The following SLCO1B3 variants were observed in gnomAD, a reference collection of about 807,000 sequenced individuals.
SLCO1B3 encodes the protein liver-specific organic anion transporter 2.
In SLCO1B3, 72 loss-of-function variants were observed where a neutral mutation model predicts 71.8. The observed-to-expected ratio is 1.00, with a 90% CI of 0.83 to 1.22. The LOEUF is 1.22. Among genes scored for constraint, SLCO1B3 ranks in the 50% most tolerant of loss-of-function variants. The pLI is 0.00. For missense variants in SLCO1B3, 911 were observed against 819.7 expected, an observed-to-expected ratio of 1.11 and a Z score of -1.36; for synonymous variants, 298 against 278.4, an observed-to-expected ratio of 1.07 and a Z score of -0.70.
chr12:20,841,017 C>G (rs1864787923), intron 3 of SLCO1B3, among the ~76,000 whole-genome samples: 1 of 152,108 alleles, frequency 6.6e-6, no homozygotes, highest in Non-Finnish European at 1.5e-5. Context: ...GAATTGGTCC[C>G]CCTGGAGTTA....
At chr12:20,909,963 A>G (rs1866342273) in intron 15 of SLCO1B3, among the ~76,000 whole-genome samples, 1 of 152,176 alleles carries the variant, frequency 6.6e-6, no homozygotes. Context: ...TTTTATTCAG[A>G]GGTTTTAAAT....
Position 20,877,874 on chromosome 12 carries a change from A to T in SLCO1B3, c.1073A>T (p.Tyr358Phe). 1 of 1,590,862 alleles carries T rather than the reference A, an allele frequency of 6.3e-7. No individual in the cohort carries two copies. Among genetic ancestry groups the T allele is most frequent in the Middle Eastern group, 1.7e-4 (1 of 6,012 alleles). Residue 358 changes from tyrosine to phenylalanine, a missense_variant, in exon 10 of 16, where the codon TAC becomes TTC. Transcript: ENST00000381545. Reference sequence around the variant, plus strand: ...AGCAGCTTTATTGGTTCTTTTACTTACGTCTTTAAATATATGGAGCAACAG... The same window carrying T: ...AGCAGCTTTATTGGTTCTTTTACTTTCGTCTTTAAATATATGGAGCAACAG... The part of the protein sequence containing the change: ...QVSSFIGSFT[Y>F]VFKYMEQQYG...
intron 8 of SLCO1B3, among the ~76,000 whole-genome samples, chr12:20,873,704 C>T (rs1865522382): frequency 6.6e-6 from 1 of 152,108 alleles, no homozygotes; most frequent in Non-Finnish European, 1.5e-5. Context: ...ACCTATCAAC[C>T]CATCACCTAG....
At chr12:20,831,112 A>G (rs892185195) in intron 3 of SLCO1B3, among the ~76,000 whole-genome samples, 2 of 152,120 alleles carry the variant, frequency 1.3e-5, no homozygotes, top group African/African-American at 4.8e-5. Flanking sequence ...TAATCCCAGC[A>G]CTTTGGGAGG....
intron 3 of SLCO1B3, among the ~76,000 whole-genome samples, chr12:20,832,152 A>T (rs1255462154): frequency 6.6e-6 from 1 of 152,136 alleles, no homozygotes; most frequent in Non-Finnish European, 1.5e-5. Flanking sequence ...CTATTTAATG[A>T]TATACCTTAT....
At chr12:20,902,654 A>T (rs572660921) in intron 15 of SLCO1B3, among the ~76,000 whole-genome samples, 115 of 152,334 alleles carry the variant, frequency 7.5e-4, no homozygotes, top group Non-Finnish European at 1.4e-3. Context: ...AAAATATTTT[A>T]AAAACTGCAT....
chr12:20,811,099 G>C (rs976358819), intron 1 of SLCO1B3, among the ~76,000 whole-genome samples: 10 of 152,104 alleles, frequency 6.6e-5, no homozygotes, highest in Admixed American at 5.9e-4. Flanking sequence ...TATACTATAA[G>C]ATAATTATTT....
At chr12:20,874,081 C>G (rs956667236) in intron 8 of SLCO1B3, among the ~76,000 whole-genome samples, 6 of 152,242 alleles carry the variant, frequency 3.9e-5, no homozygotes, top group African/African-American at 1.4e-4. Context: ...GTGCATGTAT[C>G]TTTATAATAT....
At chr12:20,859,829 G>T (rs1275641001) in intron 5 of SLCO1B3, among the ~76,000 whole-genome samples, 2 of 151,714 alleles carry the variant, frequency 1.3e-5, no homozygotes, top group African/African-American at 2.4e-5. Context: ...CTACAGACTT[G>T]AATACTTTTC....
In SLCO1B3 at chr12:20,904,755, C is replaced by CT. The variant is rs775996155; in HGVS notation, c.1865+3321dup. 3.0e-3 allele frequency among the ~76,000 whole-genome samples: 167 copies of CT among 56,116 alleles called. 29 individuals carry two copies. The highest frequency in any genetic ancestry group is 0.013 in the African/African-American group (144 of 11,270). 36.8% of individuals were successfully genotyped at this position (56,116 alleles called of 152,430 possible). ...GCAGACTTCTGCCTGGACATCCAGG[C>CT]TTTTTTTTTTTTTTTTTTTTTTTTT... is the stretch of plus-strand genomic sequence containing the variant. On this transcript the variant is annotated intron_variant, in intron 15 of 15. Coordinates refer to ENST00000381545, the MANE Select transcript of SLCO1B3 (RefSeq NM_019844.4).
intron 3 of SLCO1B3, among the ~76,000 whole-genome samples, chr12:20,826,427 A>G (rs1864423043): frequency 6.8e-6 from 1 of 148,038 alleles, no homozygotes; most frequent in Non-Finnish European, 1.5e-5. Flanking sequence ...TTAAGAGTGA[A>G]TCAATACCTT....
chr12:20,907,452 C>T (rs1476697740), intron 15 of SLCO1B3, among the ~76,000 whole-genome samples: 2 of 113,490 alleles, frequency 1.8e-5, no homozygotes, highest in African/African-American at 6.2e-5. Context: ...CCTTCCCCTT[C>T]CTTCCCCTCC....
chr12:20,868,617 A>G (rs10770755), intron 8 of SLCO1B3, among the ~76,000 whole-genome samples: 109,842 of 151,736 alleles, frequency 0.72, 42,345 homozygotes, highest in South Asian at 0.9. Flanking sequence ...TGGGTCTCTT[A>G]CTGTGTGCGG....
Position 20,901,483 on chromosome 12 carries a change from C to A in SLCO1B3, c.1865+16C>A. ...TATTTTTTGGGTAAGTTGTCGTAAACACATTTCATTAATAGATTTTTTCTT... is the reference window on the plus strand; with the variant it reads ...TATTTTTTGGGTAAGTTGTCGTAAAAACATTTCATTAATAGATTTTTTCTT... On this transcript the variant is annotated intron_variant, in intron 15 of 15. Coordinates refer to ENST00000381545, the MANE Select transcript of SLCO1B3 (RefSeq NM_019844.4). 7.7e-7 allele frequency: 1 copy of A among 1,301,710 alleles called. No homozygotes were observed. The highest frequency in any genetic ancestry group is 1.1e-6 in the Non-Finnish European group (1 of 936,106). The allele number at this position is 1,301,710 out of a possible 1,614,324, so 80.6% of individuals were successfully genotyped here. A position where few individuals can be genotyped will look rare whatever the true frequency, so the allele number is the denominator to read the frequency against.
Position 20,858,568 on chromosome 12 carries a change from G to T in SLCO1B3, c.356G>T (p.Gly119Val). The T allele has an allele frequency of 1.2e-6, 2 of 1,606,096 alleles. No homozygotes were observed. Among genetic ancestry groups the T allele is most frequent in the Non-Finnish European group, 1.7e-6 (2 of 1,173,440 alleles). Residue 119 changes from glycine to valine, a missense_variant, in exon 5 of 16, where the codon GGA becomes GTA. Gly to Val is a moderately radical substitution (Grantham distance 109). Transcript: ENST00000381545. ...ILTSLPHFFM[G>V]YYRYSKETHI... ...ACATCTTTACCACATTTCTTCATGGGATAGTAAGTGTTAAACAGCTCTGAG... is the reference window on the plus strand; with the variant it reads ...ACATCTTTACCACATTTCTTCATGGTATAGTAAGTGTTAAACAGCTCTGAG...
At chr12:20,838,094 T>C (rs1864721065) in intron 3 of SLCO1B3, among the ~76,000 whole-genome samples, 1 of 151,950 alleles carries the variant, frequency 6.6e-6, no homozygotes, top group Non-Finnish European at 1.5e-5. Flanking sequence ...CCCACCTTTT[T>C]TTTTAAATCA....
At chr12:20,827,406 C>T (rs1229424732) in intron 3 of SLCO1B3, among the ~76,000 whole-genome samples, 1 of 152,052 alleles carries the variant, frequency 6.6e-6, no homozygotes, top group Non-Finnish European at 1.5e-5. Flanking sequence ...GATTTAAATG[C>T]TTTTGTAAAT....
rs754088334 is a variant in SLCO1B3 at position 20,901,422 on chromosome 12, G to C, written c.1820G>C (p.Cys607Ser). Residue 607 changes from cysteine to serine, a missense_variant, in exon 15 of 16, where the codon TGT (cysteine) becomes TCT (serine). Physicochemically the swap from Cys to Ser is moderately radical, Grantham distance 112. Coordinates refer to ENST00000381545, the MANE Select transcript of SLCO1B3 (RefSeq NM_019844.4). Reference sequence around the variant, plus strand: ...TGTATGAAGTGGTCCACCAACAGCTGTGGAGCACAAGGGGCTTGTAGGATA... The same window carrying C: ...TGTATGAAGTGGTCCACCAACAGCTCTGGAGCACAAGGGGCTTGTAGGATA... Reference protein sequence around the residue: ...KTCMKWSTNSCGAQGACRIYN... With the variant: ...KTCMKWSTNSSGAQGACRIYN... 1 of 1,582,668 alleles carries C rather than the reference G, an allele frequency of 6.3e-7. No homozygotes were observed. Among genetic ancestry groups the C allele is most frequent in the East Asian group, 2.3e-5 (1 of 43,608 alleles).
intron 3 of SLCO1B3, among the ~76,000 whole-genome samples, chr12:20,825,340 G>C (rs896143663): frequency 1.3e-5 from 2 of 152,100 alleles, no homozygotes; most frequent in Non-Finnish European, 2.9e-5. Context: ...TGGGATTAGA[G>C]GGGTTCAGCA....
Sources: gnomAD v4.1 joint callset for allele counts (sites outside exome capture counted in the v4.1 genomes callset) on GRCh38, gnomAD v4.1.1 for gene constraint, MANE v1.5 for transcripts, NCBI Gene and HGNC (gene_info 2026-07-23, HGNC 2026-07-21) for gene names.